Variants in FBXL17 observed in about 807,000 individuals in gnomAD.
FBXL17 encodes F-box/LRR-repeat protein 17.
In FBXL17, 22 loss-of-function variants were observed where a neutral mutation model predicts 66.2. The ratio of observed to expected loss-of-function variants is 0.33; its 90% CI spans 0.24 to 0.47. The LOEUF is 0.47. Ranked by LOEUF, FBXL17 falls within the 20% of genes least tolerant of loss-of-function variation. The probability of loss-of-function intolerance (pLI) is 1.00; values close to 1 mark genes in which losing one functional copy is unlikely to be tolerated. For synonymous variants in FBXL17, 474 were observed against 400.5 expected (o/e 1.18, Z -2.19); for missense variants, 878 against 948.2 (o/e 0.93, Z 0.97).
At chr5:107,952,788 A>G (rs1751538826) in intron 7 of FBXL17, among the ~76,000 whole-genome samples, 1 of 152,254 alleles carries the variant, frequency 6.6e-6, no homozygotes, top group African/African-American at 2.4e-5. Flanking sequence ...GTACATGAAT[A>G]TAGTTTGGAC....
At chr5:108,141,363 T>C (rs1039194474) in intron 6 of FBXL17, among the ~76,000 whole-genome samples, 2 of 152,142 alleles carry the variant, frequency 1.3e-5, no homozygotes, top group Non-Finnish European at 2.9e-5. Context: ...TTTCCTATTG[T>C]CAAAATGACT....
At chr5:108,123,063 A>G (rs938032353) in intron 6 of FBXL17, among the ~76,000 whole-genome samples, 1 of 150,456 alleles carries the variant, frequency 6.6e-6, no homozygotes, top group African/African-American at 2.5e-5. Flanking sequence ...TGCATATAAA[A>G]TCTCCTACTT....
intron 7 of FBXL17, among the ~76,000 whole-genome samples, chr5:107,969,210 G>T (rs909511062): frequency 1.3e-5 from 2 of 152,118 alleles, no homozygotes; most frequent in African/African-American, 4.8e-5. Flanking sequence ...CAACACCGTG[G>T]TCTAGGTCAT....
intron 8 of FBXL17, among the ~76,000 whole-genome samples, chr5:107,870,169 C>A (rs1181342136): frequency 6.6e-6 from 1 of 152,068 alleles, no homozygotes; most frequent in Non-Finnish European, 1.5e-5. Context: ...TGGTTTAAAG[C>A]CACCGACTGA....
chr5:108,102,573 T>C (rs1428204430), intron 6 of FBXL17, among the ~76,000 whole-genome samples: 2 of 152,154 alleles, frequency 1.3e-5, no homozygotes, highest in East Asian at 1.9e-4. Flanking sequence ...GGGTGGGGTA[T>C]CTCCATTTTA....
At chr5:108,102,843 A>T (rs1008204171) in intron 6 of FBXL17, among the ~76,000 whole-genome samples, 6 of 152,210 alleles carry the variant, frequency 3.9e-5, no homozygotes, top group Admixed American at 3.9e-4. Flanking sequence ...TAAATAATAT[A>T]TCTTATAAGA....
intron 7 of FBXL17, among the ~76,000 whole-genome samples, chr5:107,969,429 C>T (rs1752284041): frequency 6.6e-6 from 1 of 152,086 alleles, no homozygotes; most frequent in Non-Finnish European, 1.5e-5. Context: ...TTTCAATTAA[C>T]CAGAAACCCA....
At chr5:107,896,015 T>C (rs997409626) in intron 7 of FBXL17, among the ~76,000 whole-genome samples, 1 of 152,126 alleles carries the variant, frequency 6.6e-6, no homozygotes, top group Non-Finnish European at 1.5e-5. Flanking sequence ...GGTCTGTCCA[T>C]TGGATCCCTC....
intron 7 of FBXL17, among the ~76,000 whole-genome samples, chr5:107,980,157 T>C (rs1400373466): frequency 6.6e-6 from 1 of 152,132 alleles, no homozygotes; most frequent in Non-Finnish European, 1.5e-5. Context: ...TCCAGTTTCA[T>C]TTTGCAGAAG....
intron 6 of FBXL17, among the ~76,000 whole-genome samples, chr5:108,091,453 TG>T: frequency 6.6e-6 from 1 of 152,374 alleles, no homozygotes; most frequent in African/African-American, 2.4e-5. Context: ...CACTTTGATT[TG>T]GAAAGGGAGC....
At chr5:107,980,934 G>A (rs951447084) in intron 7 of FBXL17, among the ~76,000 whole-genome samples, 6 of 151,720 alleles carry the variant, frequency 4.0e-5, no homozygotes, top group Admixed American at 2.0e-4. Context: ...ATGAGGCACC[G>A]CGCCCGGCCA....
At chr5:108,270,698 T>C (rs1028196694) in intron 4 of FBXL17, among the ~76,000 whole-genome samples, 3 of 152,074 alleles carry the variant, frequency 2.0e-5, no homozygotes, top group Admixed American at 1.3e-4. Context: ...TTTTAAATTA[T>C]TATGTTGAAA....
intron 6 of FBXL17, among the ~76,000 whole-genome samples, chr5:108,091,756 G>T (rs1749195303): frequency 6.6e-6 from 1 of 152,136 alleles, no homozygotes; most frequent in Non-Finnish European, 1.5e-5. Flanking sequence ...GCTTACAGAA[G>T]TGAATTTTTA....
At chr5:108,185,284 G>T (rs771878649) in intron 6 of FBXL17, among the ~76,000 whole-genome samples, 1 of 152,122 alleles carries the variant, frequency 6.6e-6, no homozygotes, top group Non-Finnish European at 1.5e-5. Context: ...GTTGGAGGAA[G>T]GGCCTGTTTG....
intron 4 of FBXL17, among the ~76,000 whole-genome samples, chr5:108,245,367 A>G (rs1023347344): frequency 6.6e-6 from 1 of 152,208 alleles, no homozygotes; most frequent in Non-Finnish European, 1.5e-5. Flanking sequence ...ATGGAAGACA[A>G]TAATTACTTG....
chr5:108,269,999 G>GAAAAC (rs146405050), intron 4 of FBXL17, among the ~76,000 whole-genome samples: 7,581 of 151,896 alleles, frequency 0.05, 626 homozygotes, highest in African/African-American at 0.17. Flanking sequence ...AGCAGAACCA[G>GAAAAC]AAAACAAAAC....
intron 6 of FBXL17, among the ~76,000 whole-genome samples, chr5:108,145,809 C>T (rs924993618): frequency 1.4e-5 from 2 of 139,976 alleles, no homozygotes; most frequent in African/African-American, 2.7e-5. Context: ...ACTAAATTTT[C>T]GGTTGCCTAA....
intron 6 of FBXL17, among the ~76,000 whole-genome samples, chr5:108,067,774 A>G (rs936226383): frequency 6.6e-6 from 1 of 152,232 alleles, no homozygotes; most frequent in African/African-American, 2.4e-5. Flanking sequence ...TGCATAGCTT[A>G]ATAGGAGAAT....
rs190570429 is a variant in FBXL17 at position 108,170,857 on chromosome 5, C to T, written c.1745+15260G>A. 1.4e-3 allele frequency among the ~76,000 whole-genome samples: 219 copies of T among 152,160 alleles called. 1 individual carries two copies. Among genetic ancestry groups the T allele is most frequent in the Admixed American group, 6.4e-3 (98 of 15,272 alleles). On this transcript the variant is annotated intron_variant, in intron 6 of 8. Coordinates refer to ENST00000542267, the MANE Select transcript of FBXL17 (RefSeq NM_001163315.3). ...CACTGTAAGACTTTTTATCAAAAGA[C>T]GTAGATGTTGAAGGCATAAATATAG... is the stretch of plus-strand genomic sequence containing the variant.
Sources: allele counts gnomAD v4.1 joint callset (sites outside exome capture counted in the v4.1 genomes callset), GRCh38; gene constraint gnomAD v4.1.1; transcripts MANE v1.5; gene names NCBI Gene and HGNC (gene_info 2026-07-23, HGNC 2026-07-21).